Variants in PTPN4 observed in about 807,000 individuals in gnomAD.
The protein encoded by PTPN4 is protein tyrosine phosphatase non-receptor type 4.
Under a neutral mutation model 135.5 loss-of-function variants are expected in PTPN4, and 49 were observed. The ratio of observed to expected loss-of-function variants is 0.36; its 90% confidence interval spans 0.29 to 0.46. The LOEUF (loss-of-function observed/expected upper bound fraction) is 0.46, where lower values mean the gene tolerates loss of function less well. PTPN4 is among the 20% of genes least tolerant of loss of function. The pLI is 1.00. For missense variants in PTPN4, 860 were observed against 1,101.0 expected (o/e 0.78, Z 3.10); for synonymous variants, 333 against 369.9 (o/e 0.90, Z 1.14).
At chr2:119,910,032 A>G (rs920491556) in intron 10 of PTPN4, among the ~76,000 whole-genome samples, 1 of 152,170 alleles carries the variant, frequency 6.6e-6, no homozygotes, top group Non-Finnish European at 1.5e-5. Context: ...CATTGTTTAA[A>G]TGACAACAAA....
At chr2:119,873,227 T>A (rs1249730368) in intron 3 of PTPN4, among the ~76,000 whole-genome samples, 1 of 151,972 alleles carries the variant, frequency 6.6e-6, no homozygotes, top group Non-Finnish European at 1.5e-5. Flanking sequence ...TTGCCATGTA[T>A]CTTTCCCCTA....
intron 2 of PTPN4, among the ~76,000 whole-genome samples, chr2:119,842,175 CTTTTG>C (rs1370293065): frequency 5.3e-5 from 8 of 152,188 alleles, no homozygotes; most frequent in South Asian, 2.1e-4. Context: ...AATGGTGGAA[CTTTTG>C]TTTTGTTTTG....
intron 3 of PTPN4, among the ~76,000 whole-genome samples, chr2:119,872,103 T>C (rs1677921568): frequency 6.6e-6 from 1 of 152,208 alleles, no homozygotes; most frequent in South Asian, 2.1e-4. Flanking sequence ...AAATTTTGTT[T>C]TAATTTTATT....
intron 15 of PTPN4, among the ~76,000 whole-genome samples, chr2:119,937,963 A>G (rs189350035): frequency 6.6e-5 from 10 of 152,148 alleles, no homozygotes; most frequent in Admixed American, 2.0e-4. Context: ...AAACCAAAAA[A>G]AAAAAAAGGT....
chr2:119,867,808 T>A (rs1354975138), intron 3 of PTPN4, among the ~76,000 whole-genome samples: 1 of 152,232 alleles, frequency 6.6e-6, no homozygotes, highest in Non-Finnish European at 1.5e-5. Context: ...TGTTAGTAGT[T>A]GTTTTCATTG....
intron 1 of PTPN4, among the ~76,000 whole-genome samples, chr2:119,779,715 G>T (rs564378988): frequency 5.3e-5 from 8 of 151,666 alleles, no homozygotes; most frequent in Non-Finnish European, 1.2e-4. Flanking sequence ...GTATGCATTT[G>T]TTAAGTATAA....
At chr2:119,942,669 A>G (rs1288542711) in intron 15 of PTPN4, among the ~76,000 whole-genome samples, 2 of 152,276 alleles carry the variant, frequency 1.3e-5, no homozygotes, top group South Asian at 4.1e-4. Context: ...GTCGAGTCCA[A>G]TTACTTCTGG....
intron 9 of PTPN4, among the ~76,000 whole-genome samples, chr2:119,886,373 T>C (rs1020488530): frequency 1.3e-5 from 2 of 152,198 alleles, no homozygotes; most frequent in Non-Finnish European, 1.5e-5. Flanking sequence ...GAATTTATAG[T>C]CACTGACTTT....
intron 2 of PTPN4, among the ~76,000 whole-genome samples, chr2:119,859,096 A>G (rs1028862391): frequency 1.3e-5 from 2 of 151,384 alleles, no homozygotes; most frequent in African/African-American, 4.9e-5. Flanking sequence ...GTTCTTTTAT[A>G]TCTTCTATTA....
chr2:119,947,259 G>C (rs1679146617), intron 18 of PTPN4, among the ~76,000 whole-genome samples: 1 of 151,946 alleles, frequency 6.6e-6, no homozygotes, highest in African/African-American at 2.4e-5. Context: ...TCATTTAACT[G>C]TCTCTCTGTT....
intron 2 of PTPN4, among the ~76,000 whole-genome samples, chr2:119,829,121 A>G (rs1163821024): frequency 2.0e-5 from 3 of 152,048 alleles, no homozygotes. Context: ...GTGGTTTGTC[A>G]GTGATTTTTG....
intron 1 of PTPN4, among the ~76,000 whole-genome samples, chr2:119,786,635 C>T (rs1404853361): frequency 2.0e-5 from 3 of 152,054 alleles, no homozygotes; most frequent in Non-Finnish European, 4.4e-5. Flanking sequence ...TAAGTATCCC[C>T]AGACAAACCC....
At chr2:119,778,865 G>A (rs1690886557) in intron 1 of PTPN4, among the ~76,000 whole-genome samples, 1 of 151,564 alleles carries the variant, frequency 6.6e-6, no homozygotes, top group Admixed American at 6.6e-5. Context: ...TAGGTCCAGT[G>A]TTACGCATTC....
chr2:119,851,253 G>A (rs1442542335), intron 2 of PTPN4, among the ~76,000 whole-genome samples: 1 of 152,126 alleles, frequency 6.6e-6, no homozygotes, highest in Non-Finnish European at 1.5e-5. Context: ...AATCCTTACA[G>A]GTCTGCAGCA....
chr2:119,773,383 C>T (rs1303098382), intron 1 of PTPN4, among the ~76,000 whole-genome samples: 1 of 151,378 alleles, frequency 6.6e-6, no homozygotes, highest in Admixed American at 6.6e-5. Flanking sequence ...AGGTTTGGGA[C>T]GATTTGAAAA....
At chr2:119,797,818 T>G (rs1288976254) in intron 1 of PTPN4, among the ~76,000 whole-genome samples, 1 of 152,172 alleles carries the variant, frequency 6.6e-6, no homozygotes, top group Admixed American at 6.5e-5. Flanking sequence ...ATTTTAAATA[T>G]GAAAAAATTG....
intron 13 of PTPN4, among the ~76,000 whole-genome samples, chr2:119,930,330 T>C (rs551406095): frequency 5.9e-5 from 9 of 152,244 alleles, no homozygotes; most frequent in African/African-American, 2.2e-4. Context: ...ACTAAAAAAG[T>C]TTTAGCTATG....
At chr2:119,885,224 G>A (rs1380707327) in intron 8 of PTPN4, among the ~76,000 whole-genome samples, 1 of 152,112 alleles carries the variant, frequency 6.6e-6, no homozygotes, top group East Asian at 1.9e-4. Context: ...AAATAAAGTG[G>A]AGAAAGAAAA....
intron 2 of PTPN4, among the ~76,000 whole-genome samples, chr2:119,836,340 G>A (rs893385321): frequency 4.6e-5 from 7 of 152,212 alleles, no homozygotes; most frequent in African/African-American, 1.7e-4. Context: ...TAGAACTCTG[G>A]AACTGCTGAT....
Sources: gnomAD v4.1 joint callset for allele counts (sites outside exome capture counted in the v4.1 genomes callset) on GRCh38, gnomAD v4.1.1 for gene constraint, MANE v1.5 for transcripts, NCBI Gene and HGNC (gene_info 2026-07-23, HGNC 2026-07-21) for gene names.